The following LIMCH1 variants were observed in gnomAD, a reference collection of about 807,000 sequenced individuals.
The protein encoded by LIMCH1 is LIM and calponin homology domains 1.
LIMCH1 carries 113 observed loss-of-function variants against 176.5 expected under a neutral mutation model. That is an observed-to-expected ratio of 0.64 (90% CI 0.55 to 0.75). The LOEUF is 0.75. Among genes scored for constraint, LIMCH1 ranks in the 30% least tolerant of loss-of-function variants. The pLI is 0.00. For missense variants in LIMCH1, 1,674 were observed against 1,814.9 expected (o/e 0.92, Z 1.41); for synonymous variants, 619 against 645.9 (o/e 0.96, Z 0.63).
At chr4:41,590,163 G>T (rs1242504004) in intron 1 of LIMCH1, among the ~76,000 whole-genome samples, 1 of 152,046 alleles carries the variant, frequency 6.6e-6, no homozygotes, top group Non-Finnish European at 1.5e-5. Context: ...CACAATCACG[G>T]CTCACTTCAA....
At chr4:41,644,689 G>C (rs1316064869) in intron 15 of LIMCH1, 63 bp downstream of exon 15, 4 of 1,551,600 alleles carry the variant, frequency 2.6e-6, no homozygotes, top group Non-Finnish European at 1.7e-6. Flanking sequence ...ATCCAGCCGG[G>C]TGGGTAGACG....
intron 1 of LIMCH1, among the ~76,000 whole-genome samples, chr4:41,433,665 C>A (rs2061798627): frequency 6.8e-6 from 1 of 147,756 alleles, no homozygotes; most frequent in African/African-American, 2.6e-5. Context: ...AAAGCAGAAG[C>A]TGTTAGTCTT....
chr4:41,516,844 C>T (rs74870440), intron 2 of LIMCH1, among the ~76,000 whole-genome samples: 2 of 152,326 alleles, frequency 1.3e-5, no homozygotes, highest in East Asian at 3.9e-4. Context: ...CTGCTGCCAT[C>T]CCAGCAAGAT....
At chr4:41,429,715 A>T (rs537022388) in intron 1 of LIMCH1, among the ~76,000 whole-genome samples, 1 of 152,212 alleles carries the variant, frequency 6.6e-6, no homozygotes, top group African/African-American at 2.4e-5. Context: ...GTGTTAGATG[A>T]TGCTGCAGTA....
intron 1 of LIMCH1, among the ~76,000 whole-genome samples, chr4:41,398,170 G>A (rs1339350495): frequency 4.8e-5 from 6 of 125,128 alleles, no homozygotes; most frequent in Admixed American, 2.4e-4. Flanking sequence ...TTTATTAAGA[G>A]TTTTCTTTTT....
chr4:41,471,026 A>C (rs1390793354), intron 1 of LIMCH1, among the ~76,000 whole-genome samples: 2 of 107,934 alleles, frequency 1.9e-5, no homozygotes, highest in Non-Finnish European at 3.6e-5. Context: ...CCAAACTAAG[A>C]CTTTTTTTTT....
chr4:41,699,848 A>T lies in LIMCH1; in HGVS notation c.*2663A>T, dbSNP rs1296541077. The stretch of plus-strand genomic sequence containing the variant: ...AAGATTTAACAAACTGAAATGATCC[A>T]CCTCATATGTGAGTCCGTCCAAAAG... On this transcript the variant is annotated 3_prime_UTR_variant, in exon 32 of 32. Transcript: ENST00000503057. 1.3e-5 allele frequency: 2 copies of T among 152,152 alleles called. No individual in the cohort carries two copies. Among genetic ancestry groups the T allele is most frequent in the Admixed American group, 6.5e-5 (1 of 15,272 alleles). The allele number at this position is 152,152 out of a possible 1,614,324, so 9.4% of individuals were successfully genotyped here.
chr4:41,632,503 C>T (rs1271030995), intron 10 of LIMCH1, among the ~76,000 whole-genome samples: 1 of 152,150 alleles, frequency 6.6e-6, no homozygotes, highest in Non-Finnish European at 1.5e-5. Flanking sequence ...GCCTTGAATC[C>T]TGAGAGGCCC....
chr4:41,508,324 T>C (rs1032279646), intron 2 of LIMCH1, among the ~76,000 whole-genome samples: 13 of 152,162 alleles, frequency 8.5e-5, no homozygotes, highest in Non-Finnish European at 1.8e-4. Context: ...AAAAATAATT[T>C]TGGTGTTTCA....
At chr4:41,628,335 T>A (rs1247783677) in intron 8 of LIMCH1, among the ~76,000 whole-genome samples, 1 of 152,020 alleles carries the variant, frequency 6.6e-6, no homozygotes, top group Non-Finnish European at 1.5e-5. Flanking sequence ...ATTTGTCTGT[T>A]GTCACCTGAC....
At chr4:41,399,369 T>C (rs1199908023) in intron 1 of LIMCH1, among the ~76,000 whole-genome samples, 2 of 151,966 alleles carry the variant, frequency 1.3e-5, no homozygotes, top group Non-Finnish European at 2.9e-5. Context: ...TGAAGAAATA[T>C]TGTGGTTTGC....
intron 1 of LIMCH1, among the ~76,000 whole-genome samples, chr4:41,424,367 G>A (rs535397501): frequency 6.6e-6 from 1 of 152,304 alleles, no homozygotes; most frequent in Admixed American, 6.5e-5. Context: ...GAAACCACCT[G>A]AATTACAGTT....
intron 1 of LIMCH1, among the ~76,000 whole-genome samples, chr4:41,544,677 G>C (rs955172368): frequency 6.6e-6 from 1 of 152,078 alleles, no homozygotes; most frequent in Non-Finnish European, 1.5e-5. Context: ...ATGTGTCTCT[G>C]TTGCTGTGGA....
At chr4:41,515,304 C>T (rs1028377689) in intron 2 of LIMCH1, among the ~76,000 whole-genome samples, 4 of 152,254 alleles carry the variant, frequency 2.6e-5, no homozygotes, top group African/African-American at 9.6e-5. Flanking sequence ...GCGTCCCCAG[C>T]TTTTCTATTG....
At chr4:41,535,649 T>A (rs1277494142), upstream of LIMCH1, among the ~76,000 whole-genome samples, 5 of 152,150 alleles carry the variant, frequency 3.3e-5, no homozygotes, top group Non-Finnish European at 5.9e-5. Context: ...AGATACGAAT[T>A]GGGGGAGGGA....
At chr4:41,482,541 G>C (rs957232968) in intron 1 of LIMCH1, among the ~76,000 whole-genome samples, 23 of 152,072 alleles carry the variant, frequency 1.5e-4, no homozygotes, top group African/African-American at 4.8e-4. Flanking sequence ...ATGCTTCTGC[G>C]ATGTTACAAT....
chr4:41,382,101 A>C (rs1333906630), intron 1 of LIMCH1, among the ~76,000 whole-genome samples: 1 of 152,246 alleles, frequency 6.6e-6, no homozygotes, highest in Non-Finnish European at 1.5e-5. Flanking sequence ...CCGCAGATAC[A>C]TGAGCAGTAA....
intron 1 of LIMCH1, among the ~76,000 whole-genome samples, chr4:41,443,243 G>A (rs1171706980): frequency 6.1e-5 from 3 of 49,446 alleles, no homozygotes; most frequent in East Asian, 9.1e-4. Context: ...TCGCTCTGTC[G>A]CCCAGGCCGG....
rs749018621 is a variant in LIMCH1, at chr4:41,646,604, G to A, written c.2531G>A (p.Arg844His). ...ACCATCAGTGAGGCTGTTCTCGAAC[G>A]CTTGGAGATGCCAAAAATTCTGGAA... ...RFTISEAVLE[R>H]LEMPKILERS... The change falls in exon 17 of 32, where the codon CGC becomes CAC. Residue 844 changes from arginine (R) to histidine (H), a missense_variant. By Grantham distance (29) the Arg-to-His change is conservative (BLOSUM62 0). Transcript: ENST00000503057. 7.4e-6 allele frequency: 12 copies of A among 1,614,170 alleles called. No homozygotes were observed. The highest frequency in any genetic ancestry group is 3.3e-4 in the Middle Eastern group (2 of 6,062).
Sources: allele counts gnomAD v4.1 joint callset (sites outside exome capture counted in the v4.1 genomes callset), GRCh38; gene constraint gnomAD v4.1.1; transcripts MANE v1.5; gene names NCBI Gene and HGNC (gene_info 2026-07-23, HGNC 2026-07-21).